Variants in SLC25A39 observed in about 807,000 individuals in gnomAD.
SLC25A39 encodes the protein solute carrier family 25 member 39, also known as mitochondrial glutathione transporter SLC25A39.
SLC25A39 carries 44 observed loss-of-function variants against 46.6 expected under a neutral mutation model. The ratio of observed to expected loss-of-function variants is 0.94; its 90% CI spans 0.74 to 1.21. SLC25A39 has a LOEUF of 1.21. Among genes scored for constraint, SLC25A39 ranks in the 50% most tolerant of loss-of-function variants. SLC25A39 has a pLI of 0.00. For missense variants in SLC25A39, 487 were observed against 473.0 expected, an observed-to-expected ratio of 1.03 and a Z score of -0.28; for synonymous variants, 218 against 190.6, an observed-to-expected ratio of 1.14 and a Z score of -1.19.
intron 4 of SLC25A39, 55 bp from the exon 5 acceptor site, chr17:44,322,607 G>T (rs1399933734): frequency 1.3e-6 from 2 of 1,594,598 alleles, no homozygotes; most frequent in Non-Finnish European, 8.5e-7. Flanking sequence ...TTGCAGGGAG[G>T]CAGTGGGCCC....
At chr17:44,321,674 G>A in intron 6 of SLC25A39, 26 bp downstream of exon 6, 2 of 1,609,048 alleles carry the variant, frequency 1.2e-6, no homozygotes, top group African/African-American at 2.7e-5. Flanking sequence ...TACCAGAGGA[G>A]AGTGGTGCAG....
Position 44,320,187 on chromosome 17 carries a change from CACACTG to C in SLC25A39, c.964+3_964+8del. On this transcript the variant is annotated splice_donor_5th_base_variant and intron_variant, in intron 11 of 11. Coordinates refer to ENST00000377095, the MANE Select transcript of SLC25A39 (RefSeq NM_001143780.3). ...GCCATGCCCCCACCCCCGACACCCACACACTGACCTGCAAAGAGTCCCTTGGTGCCC... is the reference window on the plus strand; with the variant it reads ...GCCATGCCCCCACCCCCGACACCCACACCTGCAAAGAGTCCCTTGGTGCCC... 5 of 1,614,000 alleles carry C rather than the reference CACACTG, an allele frequency of 3.1e-6. No individual in the cohort carries two copies. The highest frequency in any genetic ancestry group is 4.2e-6 in the Non-Finnish European group (5 of 1,180,006).
intron 2 of SLC25A39, 21 bp from the exon 3 acceptor site, chr17:44,323,364 G>C: frequency 6.2e-7 from 1 of 1,607,610 alleles, no homozygotes; most frequent in Middle Eastern, 1.7e-4. Context: ...AAGCGGGTCT[G>C]AAGGCTCCTT....
At position 44,322,443 on chromosome 17, in the gene SLC25A39, G is replaced by A. The variant is rs1477156337; in HGVS notation, c.300C>T (p.Asp100=). 2.5e-6 allele frequency: 4 copies of A among 1,614,052 alleles called. No individual in the cohort carries two copies. The highest frequency in any genetic ancestry group is 3.4e-6 in the Non-Finnish European group (4 of 1,180,032). ...NGARCATWFQ[D]PTRFTGTMDA... The stretch of plus-strand genomic sequence containing the variant: ...CCATGGTGCCAGTGAAGCGGGTAGG[G>A]TCTTGAAACCAGGTGGCACAGCGGG... Residue 100 remains aspartate, a synonymous_variant, in exon 5 of 12, where the codon GAC becomes GAT. Coordinates refer to ENST00000377095, the MANE Select transcript of SLC25A39 (RefSeq NM_001143780.3).
At chr17:44,322,651 T>C (rs1253236090) in intron 4 of SLC25A39, 99 bp from the exon 5 acceptor site, 5 of 1,562,626 alleles carry the variant, frequency 3.2e-6, no homozygotes, top group Non-Finnish European at 3.5e-6. Context: ...GCCAGGTCCC[T>C]GTGTGGATGT....
Position 44,322,337 on chromosome 17 carries a change from C to G in SLC25A39, c.324+82G>C, listed in dbSNP as rs2048072160. 1.5e-5 allele frequency: 24 copies of G among 1,549,932 alleles called. No homozygotes were observed. The Admixed American group carries it at 3.9e-4, about 25-fold the overall frequency. On this transcript the variant is annotated intron_variant, in intron 5 of 11. Coordinates refer to ENST00000377095, the MANE Select transcript of SLC25A39 (RefSeq NM_001143780.3). ...TACCTCTGCGTGCCTTGCCCAATCCCTTTACTCCTGGGTCTGCTGCCCAGC... is the reference window on the plus strand; with the variant it reads ...TACCTCTGCGTGCCTTGCCCAATCCGTTTACTCCTGGGTCTGCTGCCCAGC...
In SLC25A39 at chr17:44,322,698, G is replaced by T; in HGVS notation, c.190+110C>A. 1.9e-6 allele frequency: 3 copies of T among 1,567,930 alleles called. No individual in the cohort carries two copies. The South Asian group carries it at 3.5e-5, about 18-fold the overall frequency. ...TCACAGGACTGGCTGGCAGGACCTG[G>T]GAGTATATGCTAGTCCATGGCTGTG... On this transcript the variant is annotated intron_variant, in intron 4 of 11. Coordinates refer to ENST00000377095, the MANE Select transcript of SLC25A39 (RefSeq NM_001143780.3).
In SLC25A39 at chr17:44,320,849, C is replaced by A. The variant is rs1425527734; in HGVS notation, c.692-118G>T. ...GTGAGTCTTGTCTGCTACATGCAGG[C>A]TCAGAAGCAGGCACTCTGTAGGAAT... On this transcript the variant is annotated intron_variant, in intron 8 of 11. Coordinates refer to ENST00000377095, the MANE Select transcript of SLC25A39 (RefSeq NM_001143780.3). 9.0e-6 allele frequency: 9 copies of A among 1,002,936 alleles called. No homozygotes were observed. In the East Asian group the frequency reaches 1.7e-4, roughly 19 times the overall value. 62.1% of individuals were successfully genotyped at this position (1,002,936 alleles called of 1,614,324 possible). A position where few individuals can be genotyped will look rare whatever the true frequency, so the allele number is the denominator to read the frequency against.
Position 44,321,237 on chromosome 17 carries a change from T to C in SLC25A39, c.518-6A>G, listed in dbSNP as rs756678924. 3.1e-6 allele frequency: 5 copies of C among 1,601,182 alleles called. No individual in the cohort carries two copies. In the South Asian group the frequency reaches 5.6e-5, roughly 18 times the overall value. Reference sequence around the variant, plus strand: ...GATCACAGTCACGGTGCCCACTGTGTGGGGATTGGGGGTGACAATGGGGAG... The same window carrying C: ...GATCACAGTCACGGTGCCCACTGTGCGGGGATTGGGGGTGACAATGGGGAG... On this transcript the variant is annotated splice_region_variant and splice_polypyrimidine_tract_variant and intron_variant, in intron 7 of 11. Coordinates refer to ENST00000377095, the MANE Select transcript of SLC25A39 (RefSeq NM_001143780.3).
intron 11 of SLC25A39, 36 bp from the exon 12 acceptor site, chr17:44,320,152 T>G (rs766268064): frequency 6.2e-7 from 1 of 1,613,622 alleles, no homozygotes; most frequent in African/African-American, 1.3e-5. Flanking sequence ...AGGGGTCAGG[T>G]CGCAGGTCCG....
At chr17:44,321,256 T>C (rs894647881) in intron 7 of SLC25A39, 25 bp from the exon 8 acceptor site, 2 of 1,590,682 alleles carry the variant, frequency 1.3e-6, no homozygotes, top group African/African-American at 1.3e-5. Context: ...GGGGTGACAA[T>C]GGGGAGAAGT....
rs768484651 is a variant in SLC25A39 at position 44,320,041 on chromosome 17, A to C, written c.1040T>G (p.Phe347Cys). 2.7e-5 allele frequency: 43 copies of C among 1,613,832 alleles called. No homozygotes were observed. In the Admixed American group the frequency reaches 5.3e-4, roughly 20 times the overall value. ...CCGGTCCTGGTTCAGCCTCTGGAAG[A>C]AGCTTTTGCCGAACTCATAGGTGCT... ...MISTYEFGKS[F>C]FQRLNQDRLL... is the part of the protein sequence containing the mutation. The change falls in exon 12 of 12, where the codon TTC (phenylalanine) becomes TGC (cysteine). Residue 347 changes from phenylalanine (F) to cysteine (C), a missense_variant. Physicochemically the swap from Phe to Cys is radical, Grantham distance 205. Coordinates refer to ENST00000377095, the MANE Select transcript of SLC25A39 (RefSeq NM_001143780.3).
chr17:44,321,017 C>T, intron 8 of SLC25A39, 41 bp downstream of exon 8: 1 of 1,546,400 alleles, frequency 6.5e-7, no homozygotes, highest in Non-Finnish European at 8.7e-7. Context: ...GTGCATCACC[C>T]CAGGGTTCCC....
intron 5 of SLC25A39, 51 bp downstream of exon 5, chr17:44,322,368 C>T (rs534177721): frequency 5.6e-5 from 90 of 1,608,312 alleles, no homozygotes; most frequent in Middle Eastern, 5.3e-4. Flanking sequence ...CCAGCCAGAC[C>T]GAACTCCTCA....
Position 44,319,968 on chromosome 17 carries a change from G to T in SLC25A39, c.*33C>A. 1 of 1,601,318 alleles carries T rather than the reference G, an allele frequency of 6.2e-7. No individual in the cohort carries two copies. The highest frequency in any genetic ancestry group is 1.7e-5 in the Admixed American group (1 of 60,000). ...CTCCTCCTGCCCTCTCCCCATCCGT[G>T]GGAGAGACGGGGTCCTTGCCTCCTT... On this transcript the variant is annotated 3_prime_UTR_variant, in exon 12 of 12. Transcript: ENST00000377095.
chr17:44,322,294 C>T, intron 5 of SLC25A39, 125 bp downstream of exon 5: 1 of 1,047,880 alleles, frequency 9.5e-7, no homozygotes, highest in East Asian at 2.5e-5. Context: ...TCCGGAAGCA[C>T]TTCCTGACGG....
intron 5 of SLC25A39, 88 bp downstream of exon 5, chr17:44,322,331 C>G (rs2048071704): frequency 6.6e-7 from 1 of 1,504,430 alleles, no homozygotes; most frequent in African/African-American, 1.4e-5. Flanking sequence ...GTGCCTTGCC[C>G]AATCCCTTTA....
At position 44,320,748 on chromosome 17, in the gene SLC25A39, C is replaced by A. The variant is rs545784339; in HGVS notation, c.692-17G>T. 1.1e-5 allele frequency: 17 copies of A among 1,592,732 alleles called. No individual in the cohort carries two copies. In the South Asian group the frequency reaches 1.8e-4, roughly 17 times the overall value. ...AGTACAGGGCTTGGGGTGGGGGATG[C>A]ACTGATTAGAGACGGGAAGGGCAAG... On this transcript the variant is annotated splice_polypyrimidine_tract_variant and intron_variant, in intron 8 of 11. Transcript: ENST00000377095.
At position 44,322,866 on chromosome 17, in the gene SLC25A39, C is replaced by G; in HGVS notation, c.146-14G>C. The G allele has an allele frequency of 6.2e-7, 1 of 1,613,920 alleles. No individual in the cohort carries two copies. The highest frequency in any genetic ancestry group is 8.5e-7 in the Non-Finnish European group (1 of 1,179,928). ...AAGGCATCAGCTCTAAAATACAAGG[C>G]AGCCCCTCAAGTCAGGAGAGCCCCC... On this transcript the variant is annotated splice_polypyrimidine_tract_variant and intron_variant, in intron 3 of 11. Coordinates refer to ENST00000377095, the MANE Select transcript of SLC25A39 (RefSeq NM_001143780.3).
Sources: gnomAD v4.1 joint callset for allele counts on GRCh38, gnomAD v4.1.1 for gene constraint, MANE v1.5 for transcripts, NCBI Gene and HGNC (gene_info 2026-07-23, HGNC 2026-07-21) for gene names.